Variants in EXOC4 observed in about 807,000 individuals in gnomAD.
EXOC4 encodes exocyst complex component 4, also known as SEC8-like 1.
In EXOC4, 71 loss-of-function variants were observed where a neutral mutation model predicts 107.2. That is an observed-to-expected ratio of 0.66 (90% CI 0.55 to 0.81). EXOC4 has a LOEUF of 0.81. Ranked by LOEUF, EXOC4 falls within the 30% of genes least tolerant of loss-of-function variation. The pLI, the probability that EXOC4 is intolerant of heterozygous loss-of-function variation, is 0.00. For missense variants in EXOC4, 1,108 were observed against 1,189.6 expected (o/e 0.93, Z 1.01); for synonymous variants, 456 against 441.2 (o/e 1.03, Z -0.42).
At chr7:134,084,535 CT>C in the EXOC4 span, among the ~76,000 whole-genome samples, 1 of 152,050 alleles carries the variant, frequency 6.6e-6, no homozygotes, top group East Asian at 1.9e-4. Flanking sequence ...TCATCTCAGG[CT>C]GACATTGGGA....
rs1795247982 is a variant in EXOC4, at chr7:133,326,599, G to T, written c.763+9209G>T. ...GTCTCAGAGGGGCAGCCGGCTGTGT[G>T]AGGTGTCATTCTGCCCCTACTGGAT... is the stretch of plus-strand genomic sequence containing the variant. On this transcript the variant is annotated intron_variant, in intron 5 of 17. Coordinates refer to ENST00000253861, the MANE Select transcript of EXOC4 (RefSeq NM_021807.4). Among the ~76,000 whole-genome samples, 3 of 152,188 alleles carry T rather than the reference G, an allele frequency of 2.0e-5. No homozygotes were observed. The South Asian group carries it at 6.2e-4, about 31-fold the overall frequency.
intron 10 of EXOC4, among the ~76,000 whole-genome samples, chr7:133,678,304 T>C (rs1794109883): frequency 6.6e-6 from 1 of 152,328 alleles, no homozygotes; most frequent in East Asian, 1.9e-4. Flanking sequence ...AACTTGAGCA[T>C]GGTTCAATAA....
chr7:133,968,717 A>G (rs1801130341), intron 14 of EXOC4, among the ~76,000 whole-genome samples: 1 of 152,098 alleles, frequency 6.6e-6, no homozygotes, highest in Non-Finnish European at 1.5e-5. Flanking sequence ...TCCACTGTTA[A>G]TCTGATGGGC....
At chr7:133,912,341 A>G (rs1799713968) in intron 12 of EXOC4, among the ~76,000 whole-genome samples, 1 of 152,228 alleles carries the variant, frequency 6.6e-6, no homozygotes, top group Non-Finnish European at 1.5e-5. Flanking sequence ...TAGAAGGGAA[A>G]GGCTTGTCAA....
chr7:133,292,258 C>G (rs1794424509), intron 3 of EXOC4, among the ~76,000 whole-genome samples: 1 of 152,188 alleles, frequency 6.6e-6, no homozygotes, highest in African/African-American at 2.4e-5. Context: ...GCTGGAGAAT[C>G]ACTTGAACCT....
At chr7:133,343,246 A>G (rs745910735) in intron 5 of EXOC4, among the ~76,000 whole-genome samples, 1 of 151,848 alleles carries the variant, frequency 6.6e-6, no homozygotes, top group Non-Finnish European at 1.5e-5. Flanking sequence ...CCATTCCCCT[A>G]TGGTTGGGGC....
intron 9 of EXOC4, among the ~76,000 whole-genome samples, chr7:133,590,949 A>T (rs945192199): frequency 1.3e-5 from 2 of 151,870 alleles, no homozygotes; most frequent in Admixed American, 1.3e-4. Flanking sequence ...ATGGGCAGGG[A>T]CCTCCCTAGA....
At chr7:134,069,435 T>G (rs1279057849), downstream of EXOC4, among the ~76,000 whole-genome samples, 1 of 149,548 alleles carries the variant, frequency 6.7e-6, no homozygotes, top group East Asian at 2.0e-4. Flanking sequence ...CTTCTCCTCC[T>G]CCTTCTCCTG....
At chr7:134,087,256 T>A in the EXOC4 span, among the ~76,000 whole-genome samples, 1 of 152,286 alleles carries the variant, frequency 6.6e-6, no homozygotes, top group African/African-American at 2.4e-5. Flanking sequence ...TGAAGATCTA[T>A]CTTCTGTAAC....
the EXOC4 span, among the ~76,000 whole-genome samples, chr7:134,084,709 TAAAAAA>T: frequency 1.2e-3 from 99 of 83,178 alleles, 3 homozygotes; most frequent in African/African-American, 4.3e-3. Flanking sequence ...GGTGCAGCCG[TAAAAAA>T]AAAAAAAAAA....
At chr7:133,953,591 C>T (rs557375256) in intron 14 of EXOC4, among the ~76,000 whole-genome samples, 15 of 151,954 alleles carry the variant, frequency 9.9e-5, no homozygotes, top group African/African-American at 2.4e-4. Context: ...GTCAAGGCTG[C>T]GGTGAGGTGT....
chr7:133,510,824 T>C (rs372498989), intron 9 of EXOC4, among the ~76,000 whole-genome samples: 65 of 152,306 alleles, frequency 4.3e-4, no homozygotes, highest in African/African-American at 1.5e-3. Flanking sequence ...CCAGAAGCTG[T>C]AGTGACTGTA....
chr7:133,905,478 C>T (rs1799544957), intron 12 of EXOC4, among the ~76,000 whole-genome samples: 1 of 152,144 alleles, frequency 6.6e-6, no homozygotes, highest in Non-Finnish European at 1.5e-5. Flanking sequence ...CCATGAGTTG[C>T]CTACTTCCAA....
rs148679810 is a variant in EXOC4 at position 133,983,411 on chromosome 7, A to G, written c.2207-14081A>G. On this transcript the variant is annotated intron_variant, in intron 14 of 17. Coordinates refer to ENST00000253861, the MANE Select transcript of EXOC4 (RefSeq NM_021807.4). ...AACCCATGAAATAAAGCAACTGGAA[A>G]AAGTTAAGTTGAAGAGGAACTCCAT... Among the ~76,000 whole-genome samples the G allele has an allele frequency of 7.9e-5, 12 of 152,350 alleles. No homozygotes were observed. In the East Asian group the frequency reaches 2.3e-3, roughly 29 times the overall value.
At chr7:133,866,130 G>A (rs186138728) in intron 11 of EXOC4, among the ~76,000 whole-genome samples, 87 of 152,262 alleles carry the variant, frequency 5.7e-4, no homozygotes, top group African/African-American at 2.0e-3. Flanking sequence ...TTACTATTGA[G>A]TAACATGCTT....
intron 9 of EXOC4, among the ~76,000 whole-genome samples, chr7:133,513,075 A>G (rs531138344): frequency 6.6e-6 from 1 of 152,308 alleles, no homozygotes; most frequent in African/African-American, 2.4e-5. Context: ...ACTGCACTCC[A>G]TCTTGGGTGA....
intron 10 of EXOC4, among the ~76,000 whole-genome samples, chr7:133,714,741 T>G (rs1794965505): frequency 1.3e-5 from 2 of 152,202 alleles, no homozygotes; most frequent in Non-Finnish European, 2.9e-5. Flanking sequence ...ATGCCAATAC[T>G]ACATCATTTT....
intron 7 of EXOC4, among the ~76,000 whole-genome samples, chr7:133,445,870 GC>G (rs1459712528): frequency 6.6e-6 from 1 of 151,952 alleles, no homozygotes; most frequent in Non-Finnish European, 1.5e-5. Flanking sequence ...AGAAAAATTA[GC>G]CAGGCATGGT....
intron 3 of EXOC4, among the ~76,000 whole-genome samples, chr7:133,301,526 T>C (rs1330784557): frequency 6.6e-6 from 1 of 152,218 alleles, no homozygotes; most frequent in African/African-American, 2.4e-5. Flanking sequence ...TAAAACATTT[T>C]AGAACCATAT....
Sources: gnomAD v4.1 joint callset for allele counts (sites outside exome capture counted in the v4.1 genomes callset) on GRCh38, gnomAD v4.1.1 for gene constraint, MANE v1.5 for transcripts, NCBI Gene and HGNC (gene_info 2026-07-23, HGNC 2026-07-21) for gene names.